Variants in ATAD2B observed in about 807,000 individuals in gnomAD.
ATAD2B encodes the protein ATPase family AAA domain containing 2B.
In ATAD2B, 40 loss-of-function variants were observed where a neutral mutation model predicts 167.6. The ratio of observed to expected loss-of-function variants is 0.24; its 90% CI spans 0.19 to 0.31. The LOEUF is 0.31. ATAD2B is among the 10% of genes least tolerant of loss of function. ATAD2B has a pLI of 1.00. For synonymous variants in ATAD2B, 579 were observed against 596.5 expected (o/e 0.97, Z 0.43); for missense variants, 1,242 against 1,757.2 (o/e 0.71, Z 5.24).
the ATAD2B span, among the ~76,000 whole-genome samples, chr2:23,699,277 G>A: frequency 6.6e-6 from 1 of 152,168 alleles, no homozygotes; most frequent in African/African-American, 2.4e-5. Flanking sequence ...TGCCTCCCAG[G>A]AAAGATGTGC....
rs779837090 is a variant in ATAD2B at position 23,823,393 on chromosome 2, G to A, written c.1996C>T (p.Arg666Cys). ...AMQNIVPASQ[R>C]AVMSSGHALS... Reference sequence around the variant, plus strand: ...GCATGCCCTGAAGACATCACAGCACGTTGGGAAGCAGGCACGATATTCTGC... The same window carrying A: ...GCATGCCCTGAAGACATCACAGCACATTGGGAAGCAGGCACGATATTCTGC... Residue 666 changes from arginine to cysteine, a missense_variant, in exon 16 of 28, where the codon CGT becomes TGT. Transcript: ENST00000238789. 5.6e-6 allele frequency: 9 copies of A among 1,613,830 alleles called. No individual in the cohort carries two copies. The highest frequency in any genetic ancestry group is 1.1e-5 in the South Asian group (1 of 91,080).
Position 23,885,844 on chromosome 2 carries a change from T to C in ATAD2B, c.573-15A>G, listed in dbSNP as rs748561747. The C allele has an allele frequency of 9.5e-6, 14 of 1,477,540 alleles. No individual in the cohort carries two copies. The Admixed American group carries it at 2.6e-4, about 28-fold the overall frequency. 91.5% of individuals were successfully genotyped at this position (1,477,540 alleles called of 1,614,324 possible). A position where few individuals can be genotyped will look rare whatever the true frequency, so the allele number is the denominator to read the frequency against. ...CTTCAGCAGTGCTACAATCACATAA[T>C]AAAATCAGGATTTAGACAATGGTGG... On this transcript the variant is annotated splice_polypyrimidine_tract_variant and intron_variant, in intron 4 of 27. Transcript: ENST00000238789.
chr2:23,728,700 G>A, the ATAD2B span, among the ~76,000 whole-genome samples: 2 of 152,004 alleles, frequency 1.3e-5, no homozygotes, highest in South Asian at 2.1e-4. Flanking sequence ...TAGTCAGTAG[G>A]GGGTGTTTTT....
chr2:23,688,475 G>A, the ATAD2B span, among the ~76,000 whole-genome samples: 1 of 152,216 alleles, frequency 6.6e-6, no homozygotes, highest in Non-Finnish European at 1.5e-5. Flanking sequence ...CTGGAAGGAA[G>A]GGCATTTCTA....
intron 13 of ATAD2B, among the ~76,000 whole-genome samples, chr2:23,853,422 G>C (rs1692883686): frequency 6.6e-6 from 1 of 152,112 alleles, no homozygotes; most frequent in Non-Finnish European, 1.5e-5. Flanking sequence ...TAAACCAGCA[G>C]TAAGCAATTA....
chr2:23,905,852 T>A (rs1181435520), intron 1 of ATAD2B, among the ~76,000 whole-genome samples: 1 of 152,218 alleles, frequency 6.6e-6, no homozygotes, highest in African/African-American at 2.4e-5. Context: ...AGCACTAAGG[T>A]AGTCCCTGCC....
the ATAD2B span, among the ~76,000 whole-genome samples, chr2:23,734,607 G>A: frequency 6.6e-6 from 1 of 152,200 alleles, no homozygotes; most frequent in Admixed American, 6.5e-5. Flanking sequence ...GGCAGAGAAG[G>A]AGGAAGAGAG....
At chr2:23,775,286 C>T (rs1678926315) in intron 22 of ATAD2B, among the ~76,000 whole-genome samples, 1 of 150,700 alleles carries the variant, frequency 6.6e-6, no homozygotes, top group African/African-American at 2.4e-5. Context: ...ATGATCTCAG[C>T]TCACTGCACT....
intron 22 of ATAD2B, among the ~76,000 whole-genome samples, chr2:23,782,006 A>G (rs968258189): frequency 6.6e-6 from 1 of 152,026 alleles, no homozygotes; most frequent in South Asian, 2.1e-4. Context: ...TGTAGAGGCG[A>G]GGTTTTGCCA....
intron 9 of ATAD2B, among the ~76,000 whole-genome samples, chr2:23,868,429 T>C (rs1041924656): frequency 6.6e-6 from 1 of 152,166 alleles, no homozygotes; most frequent in Non-Finnish European, 1.5e-5. Flanking sequence ...GCCTTCCAAA[T>C]AGCTGGAACT....
the ATAD2B span, among the ~76,000 whole-genome samples, chr2:23,730,663 T>A: frequency 3.0e-5 from 1 of 33,286 alleles, no homozygotes; most frequent in Non-Finnish European, 6.7e-5. Flanking sequence ...AAGACTCCGT[T>A]TCAAAAAAAA....
chr2:23,909,358 A>G (rs994053719), intron 1 of ATAD2B, among the ~76,000 whole-genome samples: 3 of 151,796 alleles, frequency 2.0e-5, no homozygotes, highest in Admixed American at 1.3e-4. Context: ...GCAGTGAGCC[A>G]TGACTGCACC....
chr2:23,684,887 T>G, the ATAD2B span, among the ~76,000 whole-genome samples: 2 of 152,008 alleles, frequency 1.3e-5, no homozygotes, highest in Non-Finnish European at 1.5e-5. The surrounding 1 kb of genome is among the most constrained non-coding windows in gnomAD (Gnocchi z 4.4). Context: ...TAGGCTCCAT[T>G]TTAAGGGATC....
intron 19 of ATAD2B, among the ~76,000 whole-genome samples, chr2:23,794,774 G>GTA (rs759645771): frequency 5.9e-5 from 9 of 151,844 alleles, no homozygotes; most frequent in African/African-American, 9.7e-5. Flanking sequence ...TAATAGTACA[G>GTA]TATATTTCAT....
chr2:23,918,599 T>C (rs12478037), intron 1 of ATAD2B, among the ~76,000 whole-genome samples: 111,569 of 152,046 alleles, frequency 0.73, 41,347 homozygotes, highest in East Asian at 0.85. Flanking sequence ...TCCCTATATG[T>C]TACTATTCAT....
chr2:23,736,079 T>C, the ATAD2B span, among the ~76,000 whole-genome samples: 1 of 152,166 alleles, frequency 6.6e-6, no homozygotes, highest in South Asian at 2.1e-4. Flanking sequence ...GCTTCTATTG[T>C]GATAATCAAG....
the ATAD2B span, among the ~76,000 whole-genome samples, chr2:23,709,113 C>A: frequency 6.6e-6 from 1 of 152,116 alleles, no homozygotes; most frequent in Non-Finnish European, 1.5e-5. Flanking sequence ...CGATCTCAGG[C>A]TCACCACAAC....
chr2:23,925,897 A>C (rs1300767832), intron 1 of ATAD2B, among the ~76,000 whole-genome samples: 2 of 152,142 alleles, frequency 1.3e-5, no homozygotes, highest in Admixed American at 6.5e-5. Flanking sequence ...TGTGACCTGA[A>C]AGCTCTGGTT....
chr2:23,875,256 C>T (rs759683619), intron 8 of ATAD2B, among the ~76,000 whole-genome samples: 1 of 151,910 alleles, frequency 6.6e-6, no homozygotes, highest in Non-Finnish European at 1.5e-5. Flanking sequence ...AATCCCAACA[C>T]TTTGAGAGGC....
Sources: gnomAD v4.1 joint callset for allele counts (sites outside exome capture counted in the v4.1 genomes callset) on GRCh38, gnomAD v4.1.1 for gene constraint, Gnocchi (gnomAD v3.1) non-coding constraint, MANE v1.5 for transcripts, NCBI Gene and HGNC (gene_info 2026-07-23, HGNC 2026-07-21) for gene names.